Variants in THADA observed in about 807,000 individuals in gnomAD.
THADA encodes the protein tRNA (32-2'-O)-methyltransferase regulator THADA.
A neutral mutation model predicts 219.8 loss-of-function variants in THADA; 213 were observed. The observed-to-expected ratio is 0.97, with a 90% CI of 0.87 to 1.09. The LOEUF (loss-of-function observed/expected upper bound fraction) is 1.09, where lower values mean the gene tolerates loss of function less well. THADA is among the 50% of genes least tolerant of loss of function. THADA has a pLI of 0.00. For missense variants in THADA, 2,956 were observed against 2,311.3 expected (o/e 1.28, Z -5.72); for synonymous variants, 1,018 against 828.9 (o/e 1.23, Z -3.92).
At chr2:43,581,564 G>GAAAA (rs1184602109) in intron 8 of THADA, among the ~76,000 whole-genome samples, 177 bp downstream of exon 8, 1 of 117,668 alleles carries the variant, frequency 8.5e-6, no homozygotes. Context: ...AAAAAGAAAA[G>GAAAA]AAAAAAAAAA....
At chr2:43,514,592 T>TA (rs1690961119) in intron 22 of THADA, among the ~76,000 whole-genome samples, 12 of 102,476 alleles carry the variant, frequency 1.2e-4, no homozygotes, top group South Asian at 1.1e-3. Flanking sequence ...ATTTTATATA[T>TA]GTATATTTTA....
chr2:43,595,053 C>G (rs1455304577), intron 1 of THADA, among the ~76,000 whole-genome samples: 2 of 152,194 alleles, frequency 1.3e-5, no homozygotes, highest in Non-Finnish European at 2.9e-5. Flanking sequence ...GTCTCAATTT[C>G]CAAACCAGTG....
chr2:43,498,486 T>G (rs1444467335), intron 25 of THADA, among the ~76,000 whole-genome samples: 1 of 152,038 alleles, frequency 6.6e-6, no homozygotes, highest in South Asian at 2.1e-4. Flanking sequence ...GCACATAGAT[T>G]GGGAGGAGAG....
chr2:43,307,688 C>G (rs1677022105), intron 31 of THADA, among the ~76,000 whole-genome samples: 1 of 152,186 alleles, frequency 6.6e-6, no homozygotes, highest in Non-Finnish European at 1.5e-5. Flanking sequence ...AAGAATCCAA[C>G]CAATCCTAAG....
At chr2:43,387,124 T>C (rs1672786251) in intron 29 of THADA, among the ~76,000 whole-genome samples, 2 of 152,280 alleles carry the variant, frequency 1.3e-5, no homozygotes, top group African/African-American at 2.4e-5. Flanking sequence ...CAAGAGAGGA[T>C]CAATGAAACA....
intron 22 of THADA, among the ~76,000 whole-genome samples, chr2:43,512,274 A>G (rs1462416732): frequency 1.3e-5 from 2 of 152,154 alleles, no homozygotes; most frequent in Non-Finnish European, 2.9e-5. Flanking sequence ...ACCAGCTTTT[A>G]CGCAGAATTC....
At chr2:43,269,170 C>A (rs1403592282) in intron 36 of THADA, among the ~76,000 whole-genome samples, 2 of 152,234 alleles carry the variant, frequency 1.3e-5, no homozygotes, top group Non-Finnish European at 2.9e-5. Context: ...CCCTGACTAA[C>A]AGGGAAGACA....
At position 43,292,195 on chromosome 2, in the gene THADA, G is replaced by C. The variant is rs1345691974; in HGVS notation, c.4846C>G (p.Pro1616Ala). ...TCCGTCTGGGGAAGCCACTCACCAG[G>C]GTCCATGCAGTGGAGAATTTTCAGT... ...KILKILHCMDPGEWLPQTEHC... is the reference protein window; with the variant it reads ...KILKILHCMDAGEWLPQTEHC... The change falls in exon 33 of 38, where the codon CCT (proline) becomes GCT (alanine). Residue 1616 changes from proline (P) to alanine (A), a missense_variant. By Grantham distance (27) the Pro-to-Ala change is conservative. Coordinates refer to ENST00000405975, the MANE Select transcript of THADA (RefSeq NM_022065.5). 6.2e-7 allele frequency: 1 copy of C among 1,609,268 alleles called. No individual in the cohort carries two copies. The highest frequency in any genetic ancestry group is 1.3e-5 in the African/African-American group (1 of 74,720).
intron 28 of THADA, among the ~76,000 whole-genome samples, chr2:43,419,822 A>AT (rs34881614): frequency 6.6e-6 from 1 of 151,908 alleles, no homozygotes; most frequent in Non-Finnish European, 1.5e-5. Context: ...CTAAATTTAA[A>AT]TTTTTTTTCC....
intron 22 of THADA, among the ~76,000 whole-genome samples, chr2:43,515,059 AATATATTTTAT>A (rs1398925466): frequency 6.5e-4 from 19 of 29,306 alleles, no homozygotes; most frequent in African/African-American, 2.5e-3. Flanking sequence ...TTTTATATAT[AATATATTTTAT>A]ATATAATATA....
At position 43,397,991 on chromosome 2, in the gene THADA, T is replaced by A; in HGVS notation, c.4207A>T (p.Ile1403Phe). The A allele has an allele frequency of 6.2e-7, 1 of 1,613,920 alleles. No individual in the cohort carries two copies. The highest frequency in any genetic ancestry group is 8.5e-7 in the Non-Finnish European group (1 of 1,179,812). ...CTDQCFRQNHIHGTLLQVFHL... is the reference protein window; with the variant it reads ...CTDQCFRQNHFHGTLLQVFHL... Reference sequence around the variant, plus strand: ...CTTACCTGGAGAAGTGTCCCATGAATGTGGTTTTGCCGGAAACACTGGTCA... The same window carrying A: ...CTTACCTGGAGAAGTGTCCCATGAAAGTGGTTTTGCCGGAAACACTGGTCA... Residue 1403 changes from isoleucine to phenylalanine, a missense_variant, in exon 29 of 38, where the codon ATT becomes TTT. Transcript: ENST00000405975.
chr2:43,395,300 C>G (rs1247184620), intron 29 of THADA, among the ~76,000 whole-genome samples: 1 of 152,174 alleles, frequency 6.6e-6, no homozygotes, highest in Non-Finnish European at 1.5e-5. Flanking sequence ...TCATTCCAGC[C>G]CTGCTCTTTT....
chr2:43,357,891 AT>A (rs1279759527), intron 29 of THADA, among the ~76,000 whole-genome samples: 1 of 152,198 alleles, frequency 6.6e-6, no homozygotes, highest in Non-Finnish European at 1.5e-5. Flanking sequence ...GTAGAAATGC[AT>A]TACTTTTCAA....
At chr2:43,379,725 T>A (rs1442893695) in intron 29 of THADA, among the ~76,000 whole-genome samples, 1 of 152,226 alleles carries the variant, frequency 6.6e-6, no homozygotes, top group Non-Finnish European at 1.5e-5. Flanking sequence ...TATGTTCACA[T>A]AAAAACCAAC....
intron 22 of THADA, among the ~76,000 whole-genome samples, chr2:43,522,725 T>C (rs1476900589): frequency 1.3e-5 from 2 of 152,124 alleles, no homozygotes; most frequent in Non-Finnish European, 2.9e-5. Context: ...GGCTTAAAAA[T>C]GAAAATAAAA....
In THADA at chr2:43,331,238, C is replaced by G. The variant is rs185263806; in HGVS notation, c.4344-10698G>C. Among the ~76,000 whole-genome samples, 152 of 152,292 alleles carry G rather than the reference C, an allele frequency of 1.0e-3. 1 individual carries two copies. The highest frequency in any genetic ancestry group is 2.0e-3 in the Non-Finnish European group (139 of 68,030). On this transcript the variant is annotated intron_variant, in intron 30 of 37. Transcript: ENST00000405975. ...TTCTGTGGTTCTATGGTACTCTTAG[C>G]AACATTGGAAAGACAAAACCTATGT... is the stretch of plus-strand genomic sequence containing the variant.
chr2:43,312,913 T>TA (rs1404799345), intron 31 of THADA, among the ~76,000 whole-genome samples: 1 of 152,280 alleles, frequency 6.6e-6, no homozygotes, highest in East Asian at 1.9e-4. Flanking sequence ...GAGGAACAGA[T>TA]AAGAATTGTT....
chr2:43,577,205 CT>C lies in THADA; in HGVS notation c.853del (p.Ser285ValfsTer7), dbSNP rs1559009571. 1.9e-6 allele frequency: 3 copies of C among 1,601,454 alleles called. No homozygotes were observed. Among genetic ancestry groups the C allele is most frequent in the Non-Finnish European group, 8.5e-7 (1 of 1,174,162 alleles). On this transcript the variant is annotated frameshift_variant, in exon 10 of 38. Transcript: ENST00000405975. LOFTEE classifies it high-confidence loss of function. ...GCTGCTCATAAACCACTCGGGGACACTGGTGCAGTCCACTGAACGAAGCAGC... is the reference window on the plus strand; with the variant it reads ...GCTGCTCATAAACCACTCGGGGACACGGTGCAGTCCACTGAACGAAGCAGC... The part of the protein sequence containing the change: ...SVLLRSVDCT[S>X]VPEWFMSSCR...
chr2:43,362,311 A>T (rs1669620794), intron 29 of THADA, among the ~76,000 whole-genome samples: 1 of 152,202 alleles, frequency 6.6e-6, no homozygotes, highest in African/African-American at 2.4e-5. Flanking sequence ...ATGTGTTTAA[A>T]ATTCCATAAT....
Sources: allele counts gnomAD v4.1 joint callset (sites outside exome capture counted in the v4.1 genomes callset), GRCh38; gene constraint gnomAD v4.1.1; transcripts MANE v1.5; gene names NCBI Gene and HGNC (gene_info 2026-07-23, HGNC 2026-07-21).